The following GPM6A variants were observed in gnomAD, a reference collection of about 807,000 sequenced individuals.
GPM6A encodes the protein glycoprotein M6A, also known as neuronal membrane glycoprotein M6-a.
A neutral mutation model predicts 32.1 loss-of-function variants in GPM6A; 7 were observed. The ratio of observed to expected loss-of-function variants is 0.22; its 90% CI spans 0.12 to 0.41. GPM6A has a LOEUF of 0.41. Ranked by LOEUF, GPM6A falls within the 10% of genes least tolerant of loss-of-function variation. GPM6A has a pLI of 1.00. For synonymous variants in GPM6A, 130 were observed against 123.4 expected (o/e 1.05, Z -0.35); for missense variants, 235 against 347.2 (o/e 0.68, Z 2.57).
At chr4:175,764,273 GC>G (rs1445332735) in intron 1 of GPM6A, among the ~76,000 whole-genome samples, 1 of 152,184 alleles carries the variant, frequency 6.6e-6, no homozygotes, top group Admixed American at 6.5e-5. Flanking sequence ...CTACACACAT[GC>G]TTTTATGCCT....
At chr4:175,836,695 T>A (rs1053545566) in intron 1 of GPM6A, among the ~76,000 whole-genome samples, 2 of 140,768 alleles carry the variant, frequency 1.4e-5, no homozygotes, top group Non-Finnish European at 3.2e-5. Flanking sequence ...AGCATGAACA[T>A]CAGCACAGCT....
intron 4 of GPM6A, among the ~76,000 whole-genome samples, chr4:175,647,045 G>A (rs1741500856): frequency 6.6e-6 from 1 of 152,180 alleles, no homozygotes; most frequent in Non-Finnish European, 1.5e-5. Context: ...CCTGCTTTCA[G>A]CAACAAAAAT....
At position 175,723,744 on chromosome 4, in the gene GPM6A, T is replaced by TTA. The variant is rs530756455; in HGVS notation, c.38-21979_38-21978dup. 2.5e-3 allele frequency among the ~76,000 whole-genome samples: 376 copies of TTA among 152,260 alleles called. 5 individuals carry two copies. The highest frequency in any genetic ancestry group is 8.7e-3 in the African/African-American group (362 of 41,560). On this transcript the variant is annotated intron_variant, in intron 1 of 6. Coordinates refer to ENST00000393658, the MANE Select transcript of GPM6A (RefSeq NM_201591.3). Reference sequence around the variant, plus strand: ...TTATCATTTATAAAGACATATTAAGTTATACTAAATATTGAATCTTTTACC... The same window carrying TTA: ...TTATCATTTATAAAGACATATTAAGTTATATACTAAATATTGAATCTTTTACC...
rs1318867173 is a variant in GPM6A at position 175,784,542 on chromosome 4, CTT to C, written c.37+27647_37+27648del. ...TGTATAATCCAAGTTTCTGTACTAT[CTT>C]TGCAATGCTTTTGTAAATGTAAAAT... On this transcript the variant is annotated intron_variant, in intron 1 of 6. Coordinates refer to ENST00000393658, the MANE Select transcript of GPM6A (RefSeq NM_201591.3). Among the ~76,000 whole-genome samples the C allele has an allele frequency of 2.6e-5, 4 of 152,092 alleles. No individual in the cohort carries two copies. In the East Asian group the frequency reaches 7.7e-4, roughly 29 times the overall value.
At chr4:175,719,126 AC>A (rs1745986720) in intron 1 of GPM6A, among the ~76,000 whole-genome samples, 1 of 152,156 alleles carries the variant, frequency 6.6e-6, no homozygotes. Flanking sequence ...ATTTAAAAAA[AC>A]ATTTTTTAAG....
intron 1 of GPM6A, among the ~76,000 whole-genome samples, chr4:175,836,232 A>C (rs949167397): frequency 3.3e-5 from 5 of 152,000 alleles, no homozygotes; most frequent in African/African-American, 1.2e-4. Context: ...GTGCACTTCT[A>C]TACATACAGC....
chr4:175,778,883 T>C (rs1279456829), intron 1 of GPM6A, among the ~76,000 whole-genome samples: 1 of 150,412 alleles, frequency 6.6e-6, no homozygotes, highest in Non-Finnish European at 1.5e-5. Context: ...ATCAATAATA[T>C]AATCACATAT....
intron 1 of GPM6A, among the ~76,000 whole-genome samples, chr4:175,904,492 C>A (rs992902445): frequency 6.6e-6 from 1 of 151,978 alleles, no homozygotes; most frequent in African/African-American, 2.4e-5. Context: ...ATATAAAATG[C>A]ACACATTTAA....
chr4:175,966,301 C>A (rs1190798012), intron 1 of GPM6A, among the ~76,000 whole-genome samples: 1 of 151,872 alleles, frequency 6.6e-6, no homozygotes, highest in Non-Finnish European at 1.5e-5. Context: ...ACTCAGGAGG[C>A]TGAGGTGAGA....
intron 1 of GPM6A, among the ~76,000 whole-genome samples, chr4:175,818,172 G>T (rs543061856): frequency 6.0e-4 from 91 of 152,270 alleles, no homozygotes; most frequent in African/African-American, 1.9e-3. Context: ...TGACCTGGCA[G>T]GAGCTCACCT....
At chr4:175,867,929 A>G (rs1736791143) in intron 1 of GPM6A, among the ~76,000 whole-genome samples, 1 of 152,154 alleles carries the variant, frequency 6.6e-6, no homozygotes, top group Non-Finnish European at 1.5e-5. Flanking sequence ...AAGTGCTCTC[A>G]TGTATTTCAA....
In GPM6A at chr4:175,701,557, A is replaced by G; in HGVS notation, c.230+18T>C. On this transcript the variant is annotated intron_variant, in intron 2 of 6. Coordinates refer to ENST00000393658, the MANE Select transcript of GPM6A (RefSeq NM_201591.3). ...AATATATACATGGAAAATAACAAGAAATACTAGAGTGACTTACATGGTAAA... is the reference window on the plus strand; with the variant it reads ...AATATATACATGGAAAATAACAAGAGATACTAGAGTGACTTACATGGTAAA... The G allele has an allele frequency of 6.3e-7, 1 of 1,576,854 alleles. No homozygotes were observed. Among genetic ancestry groups the G allele is most frequent in the South Asian group, 1.1e-5 (1 of 90,078 alleles).
chr4:175,974,681 CTTTAT>C (rs71850694), intron 1 of GPM6A, among the ~76,000 whole-genome samples: 20,226 of 151,952 alleles, frequency 0.13, 1,796 homozygotes, highest in Middle Eastern at 0.23. Context: ...GGTACCTTTC[CTTTAT>C]TTTATTTTAT....
At position 175,635,005 on chromosome 4, in the gene GPM6A, C is replaced by G. The variant is rs1740498320; in HGVS notation, c.737G>C (p.Cys246Ser). ...SANWAYVKDA[C>S]RMQKYEDIKS... The stretch of plus-strand genomic sequence containing the variant: ...GATGTCTTCATACTTCTGCATCCGG[C>G]AGGCGTCTTTCACATAGGCCCAGTT... The change falls in exon 7 of 7, where the codon TGC becomes TCC. Residue 246 changes from cysteine to serine, a missense_variant. This residue lies in a region of GPM6A where 27 missense variants were observed against 59.4 expected (regional missense o/e 0.45). Coordinates refer to ENST00000393658, the MANE Select transcript of GPM6A (RefSeq NM_201591.3). The G allele has an allele frequency of 6.2e-7, 1 of 1,613,550 alleles. No individual in the cohort carries two copies. The highest frequency in any genetic ancestry group is 1.1e-5 in the South Asian group (1 of 91,076).
chr4:175,817,501 G>T (rs1025345870), intron 1 of GPM6A, among the ~76,000 whole-genome samples: 16 of 152,194 alleles, frequency 1.1e-4, no homozygotes, highest in Non-Finnish European at 2.1e-4. Context: ...GCATTGGATG[G>T]CACATGAGCC....
chr4:175,873,313 T>G (rs562685153), intron 1 of GPM6A, among the ~76,000 whole-genome samples: 1 of 152,068 alleles, frequency 6.6e-6, no homozygotes, highest in African/African-American at 2.4e-5. Flanking sequence ...GAAAGACAAG[T>G]GCCTTGTGAA....
chr4:175,699,684 C>A lies in GPM6A; in HGVS notation c.230+1891G>T, dbSNP rs568431640. On this transcript the variant is annotated intron_variant, in intron 2 of 6. Transcript: ENST00000393658. ...GGAGGGGACTGGGTTTTCTCAATCT[C>A]ATTTTCCTCATTTTATTTCTTATTT... Among the ~76,000 whole-genome samples, 38 of 152,154 alleles carry A rather than the reference C, an allele frequency of 2.5e-4. 1 individual carries two copies. The highest frequency in any genetic ancestry group is 4.7e-4 in the Non-Finnish European group (32 of 68,008).
At chr4:175,900,856 G>T (rs1737942321) in intron 1 of GPM6A, among the ~76,000 whole-genome samples, 2 of 152,162 alleles carry the variant, frequency 1.3e-5, no homozygotes, top group African/African-American at 4.8e-5. Flanking sequence ...CAATAGCTAA[G>T]ATTTGGAAGC....
chr4:175,933,640 T>A (rs1270341014), intron 1 of GPM6A, among the ~76,000 whole-genome samples: 1 of 152,144 alleles, frequency 6.6e-6, no homozygotes, highest in Admixed American at 6.5e-5. Flanking sequence ...CCTCCCGAGT[T>A]CATGCCATTC....
Sources: gnomAD v4.1 joint callset for allele counts (sites outside exome capture counted in the v4.1 genomes callset) on GRCh38, gnomAD v4.1.1 for gene constraint, gnomAD v4.1.1 regional missense constraint, MANE v1.5 for transcripts, NCBI Gene and HGNC (gene_info 2026-07-23, HGNC 2026-07-21) for gene names.